Variants in SESTD1 observed in about 807,000 individuals in gnomAD.
SESTD1 encodes the protein SEC14 and spectrin domain containing 1.
SESTD1 carries 43 observed loss-of-function variants against 101.7 expected under a neutral mutation model. That is an observed-to-expected ratio of 0.42 (90% CI 0.33 to 0.55). SESTD1 has a LOEUF of 0.55. Ranked by LOEUF, SESTD1 falls within the 20% of genes least tolerant of loss-of-function variation. SESTD1 has a pLI of 0.07. For synonymous variants in SESTD1, 283 were observed against 286.8 expected, an observed-to-expected ratio of 0.99 and a Z score of 0.13; for missense variants, 647 against 815.1, an observed-to-expected ratio of 0.79 and a Z score of 2.51.
Position 179,107,714 on chromosome 2 carries a change from C to A in SESTD1, c.*2185G>T, listed in dbSNP as rs942965619. ...TTACTAATGCCTATAATACAGCATTCATATTTAGGAGGAATGGGCATCTGT... is the reference window on the plus strand; with the variant it reads ...TTACTAATGCCTATAATACAGCATTAATATTTAGGAGGAATGGGCATCTGT... On this transcript the variant is annotated 3_prime_UTR_variant, in exon 18 of 18. Transcript: ENST00000428443. 11 of 152,110 alleles carry A rather than the reference C, an allele frequency of 7.2e-5. No individual in the cohort carries two copies. Among genetic ancestry groups the A allele is most frequent in the African/African-American group, 2.7e-4 (11 of 41,426 alleles). 9.4% of individuals were successfully genotyped at this position (152,110 alleles called of 1,614,324 possible).
chr2:179,137,387 G>GA (rs2045169950), intron 9 of SESTD1, among the ~76,000 whole-genome samples: 2 of 152,212 alleles, frequency 1.3e-5, no homozygotes, highest in African/African-American at 4.8e-5. Context: ...CTAACCTGGA[G>GA]AAAGAGTATG....
chr2:179,135,308 T>C (rs1243244168), intron 9 of SESTD1, among the ~76,000 whole-genome samples: 2 of 152,202 alleles, frequency 1.3e-5, no homozygotes, highest in African/African-American at 4.8e-5. Context: ...TCCATATTTT[T>C]TAAAGATTAG....
rs566847201 is a variant in SESTD1 at position 179,130,237 on chromosome 2, TAAC to T, written c.972+2064_972+2066del. On this transcript the variant is annotated intron_variant, in intron 10 of 17. Coordinates refer to ENST00000428443, the MANE Select transcript of SESTD1 (RefSeq NM_178123.5). ...CCTGGGTATCAAGAGATCTGTGTCTTAACAATAGTCCAACTATTCACTGATCAA... is the reference window on the plus strand; with the variant it reads ...CCTGGGTATCAAGAGATCTGTGTCTTAATAGTCCAACTATTCACTGATCAA... Among the ~76,000 whole-genome samples, 58 of 152,222 alleles carry T rather than the reference TAAC, an allele frequency of 3.8e-4. 1 individual carries two copies. Among genetic ancestry groups the T allele is most frequent in the African/African-American group, 1.2e-3 (51 of 41,546 alleles).
chr2:179,164,044 T>C (rs1376130225), intron 5 of SESTD1, among the ~76,000 whole-genome samples: 4 of 152,204 alleles, frequency 2.6e-5, no homozygotes, highest in Non-Finnish European at 5.9e-5. Context: ...GCGTGCAAGA[T>C]CCAGAATGAA....
intron 16 of SESTD1, among the ~76,000 whole-genome samples, chr2:179,114,652 G>C (rs577204494): frequency 6.6e-6 from 1 of 151,758 alleles, no homozygotes; most frequent in Non-Finnish European, 1.5e-5. Context: ...TTAATGTCCC[G>C]ACTTTATAAA....
At chr2:179,232,094 A>C (rs1304561762) in intron 1 of SESTD1, among the ~76,000 whole-genome samples, 1 of 152,134 alleles carries the variant, frequency 6.6e-6, no homozygotes, top group African/African-American at 2.4e-5. Context: ...TATTGACCAA[A>C]AAAAGTGCAC....
intron 13 of SESTD1, among the ~76,000 whole-genome samples, chr2:179,120,539 A>G (rs1330227728): frequency 6.6e-6 from 1 of 152,252 alleles, no homozygotes; most frequent in East Asian, 1.9e-4. Flanking sequence ...AAAACCAAGA[A>G]GAAACAGAGA....
rs542077095 is a variant in SESTD1 at position 179,106,860 on chromosome 2, T to C, written c.*3039A>G. 2.0e-5 allele frequency: 3 copies of C among 152,004 alleles called. No homozygotes were observed. Among genetic ancestry groups the C allele is most frequent in the Non-Finnish European group, 4.4e-5 (3 of 68,012 alleles). 9.4% of individuals were successfully genotyped at this position (152,004 alleles called of 1,614,324 possible). A position where few individuals can be genotyped will look rare whatever the true frequency, so the allele number is the denominator to read the frequency against. The stretch of plus-strand genomic sequence containing the variant: ...AGTCATCATTTTTGCATAACTCTGC[T>C]GGGTTAGACATGTGCGAAGAACAGA... On this transcript the variant is annotated 3_prime_UTR_variant, in exon 18 of 18. Coordinates refer to ENST00000428443, the MANE Select transcript of SESTD1 (RefSeq NM_178123.5).
In SESTD1 at chr2:179,117,523, G is replaced by A. The variant is rs1416559741; in HGVS notation, c.1524+9C>T. 6.4e-7 allele frequency: 1 copy of A among 1,562,644 alleles called. No homozygotes were observed. The highest frequency in any genetic ancestry group is 8.6e-7 in the Non-Finnish European group (1 of 1,162,082). On this transcript the variant is annotated intron_variant, in intron 14 of 17. Transcript: ENST00000428443. ...AGTTAACTACATAATGTAGCTGACT[G>A]CTCCTTACCTGGGCAGCATCTTCTT...
chr2:179,121,791 T>A lies in SESTD1; in HGVS notation c.1421A>T (p.Asp474Val). Residue 474 changes from aspartate to valine, a missense_variant, in exon 13 of 18, where the codon GAT becomes GTT. Asp to Val is a radical substitution (Grantham distance 152). Transcript: ENST00000428443. ...TTGCCTTTGTTTTCTAAGCTGCATA[T>A]CTTCCATCACTCCTTGTATGTGGTC... ...NVDHIQGVME[D>V]MQLRKQRCED... 1 of 1,590,858 alleles carries A rather than the reference T, an allele frequency of 6.3e-7. No individual in the cohort carries two copies. Among genetic ancestry groups the A allele is most frequent in the Non-Finnish European group, 8.5e-7 (1 of 1,170,806 alleles).
At chr2:179,251,656 T>A (rs1009496652) in intron 1 of SESTD1, among the ~76,000 whole-genome samples, 5 of 152,232 alleles carry the variant, frequency 3.3e-5, no homozygotes, top group African/African-American at 1.2e-4. Context: ...AATTCTAACA[T>A]CTAATGTGAA....
Position 179,213,764 on chromosome 2 carries a change from C to A in SESTD1, c.-25-21898G>T, listed in dbSNP as rs952435773. On this transcript the variant is annotated intron_variant, in intron 1 of 17. Transcript: ENST00000428443. ...AACCATAGAGAAAGGTTGGGTTACCCACAAAGGATGGAATCTCCTGGCAGA... is the reference window on the plus strand; with the variant it reads ...AACCATAGAGAAAGGTTGGGTTACCAACAAAGGATGGAATCTCCTGGCAGA... 1.5e-5 allele frequency among the ~76,000 whole-genome samples: 2 copies of A among 134,246 alleles called. 1 individual carries two copies. Among genetic ancestry groups the A allele is most frequent in the African/African-American group, 5.9e-5 (2 of 34,164 alleles). 88.1% of individuals were successfully genotyped at this position (134,246 alleles called of 152,430 possible).
chr2:179,122,874 C>T (rs2044785364), intron 12 of SESTD1, among the ~76,000 whole-genome samples: 1 of 152,032 alleles, frequency 6.6e-6, no homozygotes, highest in South Asian at 2.1e-4. Flanking sequence ...CCAGCCTGGG[C>T]AACACAGCAA....
intron 11 of SESTD1, among the ~76,000 whole-genome samples, chr2:179,124,094 G>A (rs1052243078): frequency 1.7e-4 from 26 of 152,174 alleles, no homozygotes; most frequent in African/African-American, 6.3e-4. Flanking sequence ...AAGTTATAAA[G>A]CATAAACATT....
intron 17 of SESTD1, among the ~76,000 whole-genome samples, chr2:179,111,852 TGGGACTACA>T (rs1322270943): frequency 6.6e-6 from 1 of 151,960 alleles, no homozygotes; most frequent in Non-Finnish European, 1.5e-5. Flanking sequence ...CCCGAGTAGC[TGGGACTACA>T]GGCACCCGCC....
intron 1 of SESTD1, among the ~76,000 whole-genome samples, chr2:179,227,546 A>T (rs2046906714): frequency 1.3e-5 from 2 of 152,214 alleles, no homozygotes; most frequent in Admixed American, 6.5e-5. Flanking sequence ...CAGCTATTTG[A>T]ACAAATAGTA....
chr2:179,134,858 G>T (rs569688665), intron 9 of SESTD1, among the ~76,000 whole-genome samples: 2 of 152,028 alleles, frequency 1.3e-5, no homozygotes, highest in African/African-American at 4.8e-5. Flanking sequence ...TCTAAAACTC[G>T]TTTCTATCTG....
intron 1 of SESTD1, among the ~76,000 whole-genome samples, chr2:179,194,789 C>T (rs562182316): frequency 1.3e-5 from 2 of 152,138 alleles, no homozygotes; most frequent in Admixed American, 6.5e-5. Context: ...AAACCCAGCC[C>T]TATTTTATAC....
At chr2:179,211,630 T>C (rs1349668570) in intron 1 of SESTD1, among the ~76,000 whole-genome samples, 2 of 132,946 alleles carry the variant, frequency 1.5e-5, no homozygotes, top group African/African-American at 3.0e-5. Flanking sequence ...CACACACACA[T>C]GCACACACAC....
Sources: allele counts gnomAD v4.1 joint callset (sites outside exome capture counted in the v4.1 genomes callset), GRCh38; gene constraint gnomAD v4.1.1; transcripts MANE v1.5; gene names NCBI Gene and HGNC (gene_info 2026-07-23, HGNC 2026-07-21).